The following MAGI2 variants were observed in gnomAD, a reference collection of about 807,000 sequenced individuals.
The protein encoded by MAGI2 is membrane-associated guanylate kinase, WW and PDZ domain-containing protein 2.
In MAGI2, 35 loss-of-function variants were observed where a neutral mutation model predicts 133.3. That is an observed-to-expected ratio of 0.26 (90% CI 0.20 to 0.35). The LOEUF (loss-of-function observed/expected upper bound fraction) is 0.35, where lower values mean the gene tolerates loss of function less well. Among genes scored for constraint, MAGI2 ranks in the 10% least tolerant of loss-of-function variants. The pLI, the probability that MAGI2 is intolerant of heterozygous loss-of-function variation, is 1.00. For synonymous variants in MAGI2, 729 were observed against 710.6 expected, an observed-to-expected ratio of 1.03 and a Z score of -0.41; for missense variants, 1,636 against 1,863.4, an observed-to-expected ratio of 0.88 and a Z score of 2.25.
chr7:78,991,255 T>A (rs1161164092), intron 2 of MAGI2, among the ~76,000 whole-genome samples: 1 of 151,188 alleles, frequency 6.6e-6, no homozygotes, highest in Non-Finnish European at 1.5e-5. Flanking sequence ...ACCTTTCTTT[T>A]ATAAATTATT....
At chr7:78,786,893 C>T (rs1466552895) in intron 2 of MAGI2, among the ~76,000 whole-genome samples, 1 of 152,042 alleles carries the variant, frequency 6.6e-6, no homozygotes, top group Non-Finnish European at 1.5e-5. Context: ...TAAAACAGTG[C>T]CTGGTACATA....
chr7:78,790,833 G>GT (rs1315640810), intron 2 of MAGI2, among the ~76,000 whole-genome samples: 4 of 152,108 alleles, frequency 2.6e-5, no homozygotes, highest in Non-Finnish European at 5.9e-5. Flanking sequence ...TACTATGTAC[G>GT]TAAGTGTCAT....
At chr7:78,218,408 A>G (rs1308364961) in intron 10 of MAGI2, among the ~76,000 whole-genome samples, 5 of 152,244 alleles carry the variant, frequency 3.3e-5, no homozygotes, top group Non-Finnish European at 7.3e-5. Context: ...AAACTAAATA[A>G]CACCATGTTT....
chr7:79,002,935 G>C (rs189429797), intron 2 of MAGI2, among the ~76,000 whole-genome samples: 2 of 149,548 alleles, frequency 1.3e-5, no homozygotes, highest in African/African-American at 4.9e-5. Context: ...AGAATTAGGC[G>C]GGCTCTGAGA....
intron 2 of MAGI2, among the ~76,000 whole-genome samples, chr7:78,724,675 G>A (rs1212926547): frequency 6.6e-6 from 1 of 152,182 alleles, no homozygotes; most frequent in African/African-American, 2.4e-5. Flanking sequence ...AGATTACTCT[G>A]AAATGCTTTC....
At chr7:78,937,858 G>T (rs994463949) in intron 2 of MAGI2, among the ~76,000 whole-genome samples, 1 of 152,042 alleles carries the variant, frequency 6.6e-6, no homozygotes, top group Non-Finnish European at 1.5e-5. Context: ...CCAAGATTTT[G>T]GTGGGAATTG....
At chr7:78,801,508 T>C (rs763842284) in intron 2 of MAGI2, among the ~76,000 whole-genome samples, 4 of 152,096 alleles carry the variant, frequency 2.6e-5, no homozygotes, top group Non-Finnish European at 5.9e-5. Context: ...CATCCAAAAG[T>C]ATGTGTGTCT....
intron 6 of MAGI2, among the ~76,000 whole-genome samples, chr7:78,480,791 A>G (rs1241753164): frequency 6.6e-6 from 1 of 151,944 alleles, no homozygotes; most frequent in Non-Finnish European, 1.5e-5. Context: ...ACATACAGAG[A>G]CTGAAATTAA....
At chr7:78,664,478 T>A (rs1308051129) in intron 2 of MAGI2, among the ~76,000 whole-genome samples, 1 of 152,062 alleles carries the variant, frequency 6.6e-6, no homozygotes, top group African/African-American at 2.4e-5. Context: ...TTTTTTTAGA[T>A]CTTAATCAGT....
intron 2 of MAGI2, among the ~76,000 whole-genome samples, chr7:78,735,242 T>C (rs1169435045): frequency 5.3e-5 from 8 of 152,178 alleles, no homozygotes; most frequent in Admixed American, 4.6e-4. Flanking sequence ...TATATTTCTT[T>C]GTTTTACCTT....
chr7:78,874,001 G>C (rs1338406816), intron 2 of MAGI2, among the ~76,000 whole-genome samples: 1 of 152,096 alleles, frequency 6.6e-6, no homozygotes, highest in Admixed American at 6.6e-5. Context: ...CAATAATAGA[G>C]TTCCACGAGG....
rs11377993 is a variant in MAGI2 at position 78,303,378 on chromosome 7, C to CAAAAAA, written c.1408+40394_1408+40399dup. 1.2e-4 allele frequency among the ~76,000 whole-genome samples: 4 copies of CAAAAAA among 33,342 alleles called. 1 individual carries two copies. Among genetic ancestry groups the CAAAAAA allele is most frequent in the Non-Finnish European group, 2.1e-4 (4 of 19,428 alleles). The allele number at this position is 33,342 out of a possible 152,430, so 21.9% of individuals were successfully genotyped here. ...TGGGCAACAAGAGCAAAACTGTCTC[C>CAAAAAA]AAAAAAAAAAAAAAAAAAAAAAAAA... On this transcript the variant is annotated intron_variant, in intron 9 of 21. Coordinates refer to ENST00000354212, the MANE Select transcript of MAGI2 (RefSeq NM_012301.4).
intron 4 of MAGI2, among the ~76,000 whole-genome samples, chr7:78,508,687 T>C (rs1795307285): frequency 6.6e-6 from 1 of 152,120 alleles, no homozygotes; most frequent in Non-Finnish European, 1.5e-5. Context: ...ACATCATATA[T>C]ATATCAGATC....
intron 1 of MAGI2, among the ~76,000 whole-genome samples, chr7:79,151,104 A>T (rs1424378095): frequency 6.6e-6 from 1 of 152,232 alleles, no homozygotes; most frequent in East Asian, 1.9e-4. Context: ...TGAAATTACC[A>T]GTTATTATCA....
chr7:78,273,607 C>A (rs534692262), intron 9 of MAGI2, among the ~76,000 whole-genome samples: 2 of 152,124 alleles, frequency 1.3e-5, no homozygotes, highest in Non-Finnish European at 2.9e-5. Flanking sequence ...CACATAGTTC[C>A]ATATTTCTTG....
chr7:78,338,948 C>T (rs1790060946), intron 9 of MAGI2, among the ~76,000 whole-genome samples: 1 of 151,924 alleles, frequency 6.6e-6, no homozygotes, highest in Non-Finnish European at 1.5e-5. Context: ...TGAGTGCCAC[C>T]AGCCTGGGCA....
chr7:78,538,980 T>C (rs947243680), intron 3 of MAGI2, among the ~76,000 whole-genome samples: 4 of 152,248 alleles, frequency 2.6e-5, no homozygotes, highest in Admixed American at 2.0e-4. Flanking sequence ...ACTTAAAAGA[T>C]ACAGTGGAAC....
intron 16 of MAGI2, among the ~76,000 whole-genome samples, chr7:78,156,533 T>G (rs1278195895): frequency 2.6e-5 from 4 of 152,306 alleles, no homozygotes; most frequent in African/African-American, 9.6e-5. Context: ...AGTGCTCTTT[T>G]GAGCACTTCC....
At chr7:79,240,791 T>C (rs1438648141) in intron 1 of MAGI2, among the ~76,000 whole-genome samples, 1 of 151,436 alleles carries the variant, frequency 6.6e-6, no homozygotes, top group African/African-American at 2.4e-5. Context: ...CTCACAACTC[T>C]CTTTTTTCCA....
Sources: allele counts gnomAD v4.1 joint callset (sites outside exome capture counted in the v4.1 genomes callset), GRCh38; gene constraint gnomAD v4.1.1; transcripts MANE v1.5; gene names NCBI Gene and HGNC (gene_info 2026-07-23, HGNC 2026-07-21).